Variants in GRID2 observed in about 807,000 individuals in gnomAD.
GRID2 encodes the protein glutamate receptor ionotropic, delta-2.
Under a neutral mutation model 114.8 loss-of-function variants are expected in GRID2, and 33 were observed. The observed-to-expected ratio is 0.29, with a 90% CI of 0.22 to 0.38. The LOEUF is 0.38. Among genes scored for constraint, GRID2 ranks in the 10% least tolerant of loss-of-function variants. The pLI is 1.00. For missense variants in GRID2, 1,184 were observed against 1,257.7 expected (o/e 0.94, Z 0.89); for synonymous variants, 505 against 449.9 (o/e 1.12, Z -1.55).
intron 4 of GRID2, among the ~76,000 whole-genome samples, chr4:93,139,271 G>T (rs565549881): frequency 6.6e-6 from 1 of 152,172 alleles, no homozygotes; most frequent in African/African-American, 2.4e-5. Context: ...AGACAGCTCT[G>T]TAGTAAAGGC....
intron 13 of GRID2, among the ~76,000 whole-genome samples, chr4:93,549,031 A>T (rs902432091): frequency 6.6e-6 from 1 of 152,228 alleles, no homozygotes; most frequent in African/African-American, 2.4e-5. Context: ...CTTGAAATTC[A>T]TTTGAACTTT....
chr4:92,332,426 G>A (rs1726940852), intron 1 of GRID2, among the ~76,000 whole-genome samples: 1 of 152,014 alleles, frequency 6.6e-6, no homozygotes, highest in Non-Finnish European at 1.5e-5. Context: ...TATTGCACTG[G>A]GGAATAAGTT....
chr4:92,826,538 C>T (rs1431175585), intron 2 of GRID2, among the ~76,000 whole-genome samples: 1 of 151,878 alleles, frequency 6.6e-6, no homozygotes, highest in African/African-American at 2.4e-5. Flanking sequence ...TGATTTTTGC[C>T]AGTTTTGTTC....
rs1418582351 is a variant in GRID2 at position 93,609,390 on chromosome 4, G to A, written c.2194-16879G>A. Among the ~76,000 whole-genome samples the A allele has an allele frequency of 1.5e-4, 12 of 82,640 alleles. 1 individual carries two copies. Among genetic ancestry groups the A allele is most frequent in the East Asian group, 1.4e-3 (6 of 4,354 alleles). The allele number at this position is 82,640 out of a possible 152,430, so 54.2% of individuals were successfully genotyped here. A position where few individuals can be genotyped will look rare whatever the true frequency, so the allele number is the denominator to read the frequency against. ...TTTTGGGCATGAAGTCCTTGCCCAC[G>A]CCTATGTCCTGAATGGTAATGCCTA... On this transcript the variant is annotated intron_variant, in intron 13 of 15. Coordinates refer to ENST00000282020, the MANE Select transcript of GRID2 (RefSeq NM_001510.4).
chr4:93,352,740 A>T (rs1760925937), intron 8 of GRID2, among the ~76,000 whole-genome samples: 1 of 152,094 alleles, frequency 6.6e-6, no homozygotes. Context: ...AGAGATAAGA[A>T]AAATGATGCA....
chr4:93,253,093 C>CACA (rs1749161062), intron 8 of GRID2, among the ~76,000 whole-genome samples: 5 of 142,480 alleles, frequency 3.5e-5, no homozygotes, highest in Admixed American at 7.0e-5. Context: ...ACTAAAAATA[C>CACA]AAAAAAAAAA....
intron 2 of GRID2, among the ~76,000 whole-genome samples, chr4:92,700,228 T>G (rs1156781873): frequency 1.3e-5 from 2 of 152,168 alleles, no homozygotes; most frequent in Non-Finnish European, 2.9e-5. Flanking sequence ...TCTCACAATT[T>G]TTATACACTC....
chr4:93,676,265 T>G (rs1724845166), intron 14 of GRID2, among the ~76,000 whole-genome samples: 1 of 152,220 alleles, frequency 6.6e-6, no homozygotes, highest in South Asian at 2.1e-4. Context: ...AAATTATTGT[T>G]GAAAGATTTA....
intron 4 of GRID2, among the ~76,000 whole-genome samples, chr4:93,177,322 G>T (rs1739440799): frequency 6.6e-6 from 1 of 151,946 alleles, no homozygotes; most frequent in South Asian, 2.1e-4. Context: ...AAATATAATA[G>T]CTAATATTTA....
At chr4:93,141,448 C>A (rs1368690398) in intron 4 of GRID2, among the ~76,000 whole-genome samples, 1 of 152,018 alleles carries the variant, frequency 6.6e-6, no homozygotes, top group Non-Finnish European at 1.5e-5. Flanking sequence ...TAAGACCCAG[C>A]ATTCAGTTTC....
chr4:93,729,005 A>T (rs1331322739), intron 14 of GRID2, among the ~76,000 whole-genome samples: 1 of 152,174 alleles, frequency 6.6e-6, no homozygotes, highest in Non-Finnish European at 1.5e-5. Context: ...TAATATCATT[A>T]TGTGTGAATT....
At chr4:93,268,329 G>T (rs2149563515) in intron 8 of GRID2, among the ~76,000 whole-genome samples, 1 of 152,134 alleles carries the variant, frequency 6.6e-6, no homozygotes, top group East Asian at 1.9e-4. Flanking sequence ...GAGCTTTTTG[G>T]TCTCATCTTA....
chr4:92,934,324 G>A (rs187057471), intron 2 of GRID2, among the ~76,000 whole-genome samples: 1 of 151,704 alleles, frequency 6.6e-6, no homozygotes, highest in East Asian at 2.0e-4. Flanking sequence ...TCATGGTTTG[G>A]CTCTCTGTCT....
At chr4:92,728,628 T>G (rs1736177377) in intron 2 of GRID2, among the ~76,000 whole-genome samples, 1 of 151,874 alleles carries the variant, frequency 6.6e-6, no homozygotes, top group South Asian at 2.1e-4. Flanking sequence ...TCCATCTCTT[T>G]GCTGTATTCT....
intron 2 of GRID2, among the ~76,000 whole-genome samples, chr4:92,856,847 T>C (rs1744214805): frequency 1.3e-5 from 2 of 152,272 alleles, no homozygotes; most frequent in African/African-American, 4.8e-5. Flanking sequence ...TACCGAACTT[T>C]TTTTAAAAAA....
At chr4:93,337,434 TG>T (rs1289523113) in intron 8 of GRID2, among the ~76,000 whole-genome samples, 1 of 152,170 alleles carries the variant, frequency 6.6e-6, no homozygotes, top group African/African-American at 2.4e-5. Context: ...GGAGCCCACA[TG>T]AATGTTGAAC....
intron 1 of GRID2, among the ~76,000 whole-genome samples, chr4:92,412,403 A>G (rs1298582394): frequency 6.6e-6 from 1 of 152,032 alleles, no homozygotes; most frequent in African/African-American, 2.4e-5. Context: ...TGAATCACCT[A>G]TTCCTAGAAG....
At chr4:93,435,996 C>G (rs1311859404) in intron 10 of GRID2, among the ~76,000 whole-genome samples, 3 of 81,856 alleles carry the variant, frequency 3.7e-5, no homozygotes, top group African/African-American at 1.8e-4. Context: ...TGCTCCTTCC[C>G]CATTTCTTAA....
At chr4:92,776,279 A>G (rs1481083072) in intron 2 of GRID2, among the ~76,000 whole-genome samples, 4 of 152,174 alleles carry the variant, frequency 2.6e-5, no homozygotes, top group African/African-American at 4.8e-5. Context: ...TAGTCACAGT[A>G]TGACACACTC....
Sources: gnomAD v4.1 joint callset for allele counts (sites outside exome capture counted in the v4.1 genomes callset) on GRCh38, gnomAD v4.1.1 for gene constraint, MANE v1.5 for transcripts, NCBI Gene and HGNC (gene_info 2026-07-23, HGNC 2026-07-21) for gene names.